ANKRD46: variants seen among roughly 807,000 people sequenced by gnomAD.
ANKRD46 encodes ankyrin repeat domain 46.
A neutral mutation model predicts 19.8 loss-of-function variants in ANKRD46; 13 were observed. That is an observed-to-expected ratio of 0.66 (90% CI 0.43 to 1.04). The LOEUF is 1.04. Among genes scored for constraint, ANKRD46 ranks in the 50% least tolerant of loss-of-function variants. ANKRD46 has a pLI of 0.00. For missense variants in ANKRD46, 185 were observed against 274.8 expected, an observed-to-expected ratio of 0.67 and a Z score of 2.31; for synonymous variants, 91 against 106.9, an observed-to-expected ratio of 0.85 and a Z score of 0.92.
chr8:100,538,273 C>G (rs1466386352), intron 1 of ANKRD46, among the ~76,000 whole-genome samples: 1 of 151,772 alleles, frequency 6.6e-6, no homozygotes, highest in Non-Finnish European at 1.5e-5. Context: ...ACACAATCAA[C>G]CATGAATCAA....
chr8:100,535,556 C>T (rs1812049249), intron 1 of ANKRD46, among the ~76,000 whole-genome samples: 2 of 152,156 alleles, frequency 1.3e-5, no homozygotes. Context: ...GCTTCCCTCC[C>T]ATGCCAGTCT....
chr8:100,540,289 A>G (rs1812151429), intron 1 of ANKRD46, among the ~76,000 whole-genome samples: 1 of 152,206 alleles, frequency 6.6e-6, no homozygotes, highest in African/African-American at 2.4e-5. Context: ...GGAGAACATT[A>G]GTCTAGCATA....
intron 5 of ANKRD46, among the ~76,000 whole-genome samples, chr8:100,512,692 C>T (rs1045405335): frequency 6.6e-6 from 1 of 152,150 alleles, no homozygotes; most frequent in African/African-American, 2.4e-5. Flanking sequence ...TTCTCACTGA[C>T]TCTTAGTTCT....
At chr8:100,519,060 A>G (rs1811680991), downstream of ANKRD46, among the ~76,000 whole-genome samples, 4 of 152,122 alleles carry the variant, frequency 2.6e-5, no homozygotes, top group South Asian at 6.2e-4. Context: ...GGGATGTAAA[A>G]CAACTATGGT....
chr8:100,530,773 T>C (rs1027958014), intron 2 of ANKRD46, among the ~76,000 whole-genome samples: 1 of 152,238 alleles, frequency 6.6e-6, no homozygotes, highest in Non-Finnish European at 1.5e-5. Context: ...TTATGCTTTT[T>C]CCACTATTGA....
chr8:100,522,725 C>T lies in ANKRD46; in HGVS notation c.517G>A (p.Glu173Lys). The part of the protein sequence containing the change: ...SLLNPNLQQG[E>K]GVLSSFRTTW... ...GTTCGGAAGCTGGAGAGGACTCCTT[C>T]ACCTTGCTGCAGGTTGGGATTGAGG... The change falls in exon 5 of 5, where the codon GAA becomes AAA. Residue 173 changes from glutamate (E) to lysine (K), a missense_variant. Physicochemically the swap from Glu to Lys is moderately conservative, Grantham distance 56. Transcript: ENST00000335659. 2 of 1,614,100 alleles carry T rather than the reference C, an allele frequency of 1.2e-6. No homozygotes were observed. The highest frequency in any genetic ancestry group is 1.7e-6 in the Non-Finnish European group (2 of 1,180,034).
chr8:100,539,370 T>A (rs536301202), intron 1 of ANKRD46, among the ~76,000 whole-genome samples: 4 of 152,298 alleles, frequency 2.6e-5, no homozygotes, highest in African/African-American at 7.2e-5. Flanking sequence ...GGGAAGTAAA[T>A]AAAAGGAGGA....
In ANKRD46 at chr8:100,544,611, G is replaced by C. The variant is rs578108063; in HGVS notation, c.-130-11300C>G. ...CTAAGTACTAGACACCAATCAAAAC[G>C]TTTGTATCTTAGGTCCTAACTCGGC... On this transcript the variant is annotated intron_variant, in intron 1 of 4. Transcript: ENST00000335659. The surrounding 1 kb of genome is among the most constrained non-coding windows in gnomAD (Gnocchi z 4.4). Among the ~76,000 whole-genome samples, 1 of 152,062 alleles carries C rather than the reference G, an allele frequency of 6.6e-6. No individual in the cohort carries two copies. Among genetic ancestry groups the C allele is most frequent in the East Asian group, 1.9e-4 (1 of 5,202 alleles).
In ANKRD46 at chr8:100,521,276, T is replaced by G. The variant is rs1290332021; in HGVS notation, c.*1279A>C. The G allele has an allele frequency of 3.0e-6, 3 of 985,290 alleles. No homozygotes were observed. The highest frequency in any genetic ancestry group is 3.6e-6 in the Non-Finnish European group (3 of 829,916). The allele number at this position is 985,290 out of a possible 1,614,324, so 61.0% of individuals were successfully genotyped here. A position where few individuals can be genotyped will look rare whatever the true frequency, so the allele number is the denominator to read the frequency against. ...ATTCTAGCAGCAATTCAATTAGCAATAGCTTAGGTGCCTTTATTCCAAAAA... is the reference window on the plus strand; with the variant it reads ...ATTCTAGCAGCAATTCAATTAGCAAGAGCTTAGGTGCCTTTATTCCAAAAA... On this transcript the variant is annotated 3_prime_UTR_variant, in exon 5 of 5. Transcript: ENST00000335659.
rs1812257515 is a variant in ANKRD46, at chr8:100,545,594, A to C, written c.-130-12283T>G. ...AGTAACTTTATAGCAGTGTGAAAAC[A>C]GACTAATACAGAGAATTAGTACCAG... On this transcript the variant is annotated intron_variant, in intron 1 of 4. Coordinates refer to ENST00000335659, the MANE Select transcript of ANKRD46 (RefSeq NM_001270377.2). This position sits in a 1 kb window ranked among gnomAD's most constrained non-coding sequence, Gnocchi z 4.7. Among the ~76,000 whole-genome samples, 1 of 152,220 alleles carries C rather than the reference A, an allele frequency of 6.6e-6. No individual in the cohort carries two copies. Among genetic ancestry groups the C allele is most frequent in the Non-Finnish European group, 1.5e-5 (1 of 68,036 alleles).
downstream of ANKRD46, among the ~76,000 whole-genome samples, chr8:100,518,618 G>A (rs774095756): frequency 2.0e-5 from 3 of 152,154 alleles, no homozygotes; most frequent in Admixed American, 6.5e-5. Context: ...TTGGGAGGCC[G>A]AGGCGGGTGG....
chr8:100,546,716 A>G lies in ANKRD46; in HGVS notation c.-131+12995T>C, dbSNP rs1410213632. On this transcript the variant is annotated intron_variant, in intron 1 of 4. Coordinates refer to ENST00000335659, the MANE Select transcript of ANKRD46 (RefSeq NM_001270377.2). The surrounding 1 kb of genome is among the most constrained non-coding windows in gnomAD (Gnocchi z 4.0). ...ACCCCAGAAAAGTAGATCCACTGAC[A>G]GCTTGCACCATGCATCTGGAAAAGC... Among the ~76,000 whole-genome samples the G allele has an allele frequency of 6.6e-6, 1 of 152,248 alleles. No homozygotes were observed. Among genetic ancestry groups the G allele is most frequent in the African/African-American group, 2.4e-5 (1 of 41,464 alleles).
intron 1 of ANKRD46, among the ~76,000 whole-genome samples, chr8:100,533,891 A>T (rs1289528402): frequency 6.6e-6 from 1 of 152,172 alleles, no homozygotes; most frequent in African/African-American, 2.4e-5. Context: ...GTCTATCTGT[A>T]GTCTTCTTTA....
At chr8:100,520,741 T>TAAAAAAAAAAAA (rs5893523), downstream of ANKRD46, 64 of 677,792 alleles carry the variant, frequency 9.4e-5, no homozygotes, top group Admixed American at 3.2e-4. Context: ...TATAATACAC[T>TAAAAAAAAAAAA]AAAAAAAAAA....
chr8:100,559,438 A>T lies in ANKRD46; in HGVS notation c.-131+273T>A, dbSNP rs1812569435. ...CCCGCGCTGCCCAGGGGTTCCCCGG[A>T]CCACAGCCCTAACCCGCAAGCGCAA... On this transcript the variant is annotated intron_variant, in intron 1 of 4. Coordinates refer to ENST00000335659, the MANE Select transcript of ANKRD46 (RefSeq NM_001270377.2). The surrounding 1 kb of genome is among the most constrained non-coding windows in gnomAD (Gnocchi z 6.0). The T allele has an allele frequency of 6.6e-6, 1 of 152,360 alleles. No individual in the cohort carries two copies. The highest frequency in any genetic ancestry group is 1.5e-5 in the Non-Finnish European group (1 of 68,162). The allele number at this position is 152,360 out of a possible 1,614,324, so 9.4% of individuals were successfully genotyped here. A position where few individuals can be genotyped will look rare whatever the true frequency, so the allele number is the denominator to read the frequency against.
chr8:100,519,189 A>G (rs1811682562), downstream of ANKRD46, among the ~76,000 whole-genome samples: 1 of 152,200 alleles, frequency 6.6e-6, no homozygotes, highest in Non-Finnish European at 1.5e-5. Context: ...ATCCAGGCCT[A>G]AGTCAACCTG....
In ANKRD46 at chr8:100,559,114, T is replaced by C. The variant is rs1015853769; in HGVS notation, c.-131+597A>G. On this transcript the variant is annotated intron_variant, in intron 1 of 4. Transcript: ENST00000335659. This position sits in a 1 kb window ranked among gnomAD's most constrained non-coding sequence, Gnocchi z 6.0. ...AGATGTTATTTTCTTGAGGTACTGTTGGGAAAACCTCAGAGAGAACGATCT... is the reference window on the plus strand; with the variant it reads ...AGATGTTATTTTCTTGAGGTACTGTCGGGAAAACCTCAGAGAGAACGATCT... 6.6e-6 allele frequency: 1 copy of C among 152,238 alleles called. No homozygotes were observed. Among genetic ancestry groups the C allele is most frequent in the Non-Finnish European group, 1.5e-5 (1 of 68,042 alleles). 9.4% of individuals were successfully genotyped at this position (152,238 alleles called of 1,614,324 possible).
At position 100,510,866 on chromosome 8, in the gene ANKRD46, G is replaced by T. The variant is rs915080424; in HGVS notation, c.637-227C>A. Among the ~76,000 whole-genome samples the T allele has an allele frequency of 3.9e-5, 6 of 152,144 alleles. No individual in the cohort carries two copies. Among genetic ancestry groups the T allele is most frequent in the Admixed American group, 6.5e-5 (1 of 15,274 alleles). On this transcript the variant is annotated intron_variant, in intron 5 of 5. Transcript: ENST00000520552. This position sits in a 1 kb window ranked among gnomAD's most constrained non-coding sequence, Gnocchi z 4.9. ...GGCTGGGAAGATTGGCAAGGACTGTGTTCAATGTCCTCTCGAGCTAATAAT... is the reference window on the plus strand; with the variant it reads ...GGCTGGGAAGATTGGCAAGGACTGTTTTCAATGTCCTCTCGAGCTAATAAT...
chr8:100,511,034 C>T lies in ANKRD46; in HGVS notation c.637-395G>A, dbSNP rs1028289888. Among the ~76,000 whole-genome samples the T allele has an allele frequency of 2.0e-5, 3 of 152,210 alleles. No homozygotes were observed. The highest frequency in any genetic ancestry group is 7.2e-5 in the African/African-American group (3 of 41,448). On this transcript the variant is annotated intron_variant, in intron 5 of 5. Transcript: ENST00000520552. The surrounding 1 kb of genome is among the most constrained non-coding windows in gnomAD (Gnocchi z 4.1). ...AAATGCTTCCTAATGCAGCACAGGG[C>T]AGAGCTCTAGATTGTGCTTGGCCTA...
Sources: allele counts gnomAD v4.1 joint callset (sites outside exome capture counted in the v4.1 genomes callset), GRCh38; gene constraint gnomAD v4.1.1; non-coding constraint Gnocchi (gnomAD v3.1); transcripts MANE v1.5; gene names NCBI Gene and HGNC (gene_info 2026-07-23, HGNC 2026-07-21).